CACNG3: variants seen among roughly 807,000 people sequenced by gnomAD.
CACNG3 encodes voltage-dependent calcium channel gamma-3 subunit.
CACNG3 carries 3 observed loss-of-function variants against 28.5 expected under a neutral mutation model. That is an observed-to-expected ratio of 0.11 (90% confidence interval 0.05 to 0.27). The LOEUF (loss-of-function observed/expected upper bound fraction) is 0.27, where lower values mean the gene tolerates loss of function less well. CACNG3 is among the 10% of genes least tolerant of loss of function. The pLI is 1.00. For synonymous variants in CACNG3, 174 were observed against 162.2 expected (o/e 1.07, Z -0.55); for missense variants, 236 against 414.4 (o/e 0.57, Z 3.74).
At chr16:24,264,496 T>C (rs1898572819) in intron 1 of CACNG3, among the ~76,000 whole-genome samples, 1 of 152,136 alleles carries the variant, frequency 6.6e-6, no homozygotes, top group Non-Finnish European at 1.5e-5. Flanking sequence ...CAATAACCAA[T>C]GCATGTAACT....
At chr16:24,296,815 G>C (rs1567212589) in intron 1 of CACNG3, among the ~76,000 whole-genome samples, 2 of 152,170 alleles carry the variant, frequency 1.3e-5, no homozygotes. Context: ...GCCAGAAAGG[G>C]CTTCATTATC....
At chr16:24,299,781 T>C (rs1899081654) in intron 1 of CACNG3, among the ~76,000 whole-genome samples, 2 of 152,168 alleles carry the variant, frequency 1.3e-5, no homozygotes, top group African/African-American at 4.8e-5. Flanking sequence ...TCCTTGAAGA[T>C]AGCCATATTT....
intron 1 of CACNG3, among the ~76,000 whole-genome samples, chr16:24,267,960 C>T (rs768214301): frequency 6.6e-6 from 1 of 152,190 alleles, no homozygotes; most frequent in East Asian, 1.9e-4. Context: ...CGTGAGCTAC[C>T]GTGCCCGGCC....
intron 1 of CACNG3, among the ~76,000 whole-genome samples, chr16:24,317,089 T>G (rs994141074): frequency 6.6e-6 from 1 of 152,214 alleles, no homozygotes; most frequent in Non-Finnish European, 1.5e-5. Flanking sequence ...CCAGGCTACA[T>G]AGTAACTGTC....
chr16:24,339,665 C>T (rs1041431991), intron 1 of CACNG3, among the ~76,000 whole-genome samples: 5 of 152,252 alleles, frequency 3.3e-5, no homozygotes, highest in Non-Finnish European at 7.4e-5. Flanking sequence ...GAATTACAGG[C>T]GTGAGCCACT....
chr16:24,355,686 CTACT>C (rs1900022240), intron 3 of CACNG3, among the ~76,000 whole-genome samples: 1 of 152,184 alleles, frequency 6.6e-6, no homozygotes, highest in Non-Finnish European at 1.5e-5. Context: ...TATTTGACAG[CTACT>C]TATTGTTCAA....
intron 2 of CACNG3, among the ~76,000 whole-genome samples, chr16:24,348,389 G>A (rs9934732): frequency 0.056 from 8,470 of 150,974 alleles, 413 homozygotes; most frequent in African/African-American, 0.13. Context: ...GTGCCATTGC[G>A]CTAATCAATA....
At chr16:24,333,663 C>T (rs1267850825) in intron 1 of CACNG3, 2 of 152,210 alleles carry the variant, frequency 1.3e-5, no homozygotes, top group Admixed American at 1.3e-4. Context: ...TAGCAAGACC[C>T]TATCTCTACA....
At chr16:24,274,197 AAAAC>A (rs1225861580) in intron 1 of CACNG3, among the ~76,000 whole-genome samples, 3 of 147,016 alleles carry the variant, frequency 2.0e-5, no homozygotes, top group Non-Finnish European at 4.6e-5. Context: ...AAAAAAAAAA[AAAAC>A]AAAAAAAAAA....
chr16:24,332,708 A>G (rs986998055), intron 1 of CACNG3, among the ~76,000 whole-genome samples: 4 of 152,118 alleles, frequency 2.6e-5, no homozygotes, highest in Admixed American at 6.5e-5. Flanking sequence ...ACGGACAGGC[A>G]AGTAAACTCT....
intron 2 of CACNG3, 130 bp from the exon 3 acceptor site, chr16:24,354,703 A>G: frequency 1.1e-6 from 1 of 882,946 alleles, no homozygotes; most frequent in Non-Finnish European, 1.8e-6. Flanking sequence ...GCCTGGTCTC[A>G]TGCCCGTGTT....
At chr16:24,269,988 C>G (rs888121020) in intron 1 of CACNG3, among the ~76,000 whole-genome samples, 4 of 151,868 alleles carry the variant, frequency 2.6e-5, no homozygotes, top group African/African-American at 9.7e-5. Flanking sequence ...GTTGTATGGA[C>G]ATATTGTGCA....
Position 24,361,952 on chromosome 16 carries a change from G to T in CACNG3, c.*89G>T. 7.7e-7 allele frequency: 1 copy of T among 1,302,324 alleles called. No individual in the cohort carries two copies. Among genetic ancestry groups the T allele is most frequent in the Non-Finnish European group, 1.0e-6 (1 of 954,306 alleles). 80.7% of individuals were successfully genotyped at this position (1,302,324 alleles called of 1,614,324 possible). On this transcript the variant is annotated 3_prime_UTR_variant, in exon 4 of 4. Coordinates refer to ENST00000005284, the MANE Select transcript of CACNG3 (RefSeq NM_006539.4). The surrounding 1 kb of genome is among the most constrained non-coding windows in gnomAD (Gnocchi z 6.8). ...TGAGGTTGCATGGCATGGTCCTTGTGATGGTATTACTTTTTACAAAGAATG... is the reference window on the plus strand; with the variant it reads ...TGAGGTTGCATGGCATGGTCCTTGTTATGGTATTACTTTTTACAAAGAATG...
In CACNG3 at chr16:24,361,261, C is replaced by G; in HGVS notation, c.437-91C>G. 9.4e-7 allele frequency: 1 copy of G among 1,059,456 alleles called. No individual in the cohort carries two copies. Among genetic ancestry groups the G allele is most frequent in the Non-Finnish European group, 1.4e-6 (1 of 719,406 alleles). The allele number at this position is 1,059,456 out of a possible 1,614,324, so 65.6% of individuals were successfully genotyped here. A position where few individuals can be genotyped will look rare whatever the true frequency, so the allele number is the denominator to read the frequency against. On this transcript the variant is annotated intron_variant, in intron 3 of 3. Coordinates refer to ENST00000005284, the MANE Select transcript of CACNG3 (RefSeq NM_006539.4). The surrounding 1 kb of genome is among the most constrained non-coding windows in gnomAD (Gnocchi z 6.8). ...ATCCATTCTCCTCTCTCCCCATTACCTCCACATTTTCTATAAATATTTTAA... is the reference window on the plus strand; with the variant it reads ...ATCCATTCTCCTCTCTCCCCATTACGTCCACATTTTCTATAAATATTTTAA...
At chr16:24,265,310 AGAAG>A (rs1898585858) in intron 1 of CACNG3, among the ~76,000 whole-genome samples, 1 of 150,208 alleles carries the variant, frequency 6.7e-6, no homozygotes, top group African/African-American at 2.5e-5. Context: ...AAGGAAAAAG[AGAAG>A]GAAGGAAGGA....
chr16:24,326,808 G>A (rs1233939042), intron 1 of CACNG3, among the ~76,000 whole-genome samples: 2 of 152,166 alleles, frequency 1.3e-5, no homozygotes, highest in African/African-American at 4.8e-5. Context: ...GAGAATGGAA[G>A]CTCCTCTGGC....
At chr16:24,289,187 T>G (rs1898932921) in intron 1 of CACNG3, among the ~76,000 whole-genome samples, 1 of 151,912 alleles carries the variant, frequency 6.6e-6, no homozygotes, top group Admixed American at 6.6e-5. Context: ...GAGCTTCCCC[T>G]CTCCTTCCCG....
chr16:24,328,171 G>A (rs1567220027), intron 1 of CACNG3, among the ~76,000 whole-genome samples: 1 of 152,174 alleles, frequency 6.6e-6, no homozygotes, highest in South Asian at 2.1e-4. Flanking sequence ...GAAGCACAGG[G>A]TGTGGTGCTG....
chr16:24,283,372 T>A (rs906302417), intron 1 of CACNG3, among the ~76,000 whole-genome samples: 8 of 152,182 alleles, frequency 5.3e-5, no homozygotes, highest in Non-Finnish European at 1.2e-4. Context: ...TTCTTTTAGG[T>A]TGTTTAGAGA....
Sources: gnomAD v4.1 joint callset for allele counts (sites outside exome capture counted in the v4.1 genomes callset) on GRCh38, gnomAD v4.1.1 for gene constraint, Gnocchi (gnomAD v3.1) non-coding constraint, MANE v1.5 for transcripts, NCBI Gene and HGNC (gene_info 2026-07-23, HGNC 2026-07-21) for gene names.